PPP1R2: variants seen among roughly 807,000 people sequenced by gnomAD.
PPP1R2 encodes the protein protein phosphatase inhibitor 2.
In PPP1R2, 16 loss-of-function variants were observed where a neutral mutation model predicts 29.9. That is an observed-to-expected ratio of 0.53 (90% CI 0.36 to 0.81). The LOEUF (loss-of-function observed/expected upper bound fraction) is 0.81. Among genes scored for constraint, PPP1R2 ranks in the 30% least tolerant of loss-of-function variants. The probability of loss-of-function intolerance (pLI) is 0.00; values close to 1 mark genes in which losing one functional copy is unlikely to be tolerated. For missense variants in PPP1R2, 197 were observed against 252.7 expected (o/e 0.78, Z 1.49); for synonymous variants, 76 against 91.5 (o/e 0.83, Z 0.96).
intron 1 of PPP1R2, among the ~76,000 whole-genome samples, chr3:195,533,847 ATAACT>A (rs1719276946): frequency 6.6e-6 from 1 of 152,238 alleles, no homozygotes; most frequent in Non-Finnish European, 1.5e-5. Flanking sequence ...TCACTATATG[ATAACT>A]TAAAGCAAAA....
At position 195,515,914 on chromosome 3, in the gene PPP1R2, T is replaced by G. The variant is rs1718527016; in HGVS notation, c.*982A>C. The G allele has an allele frequency of 6.6e-6, 1 of 152,160 alleles. No individual in the cohort carries two copies. Among genetic ancestry groups the G allele is most frequent in the African/African-American group, 2.4e-5 (1 of 41,462 alleles). The allele number at this position is 152,160 out of a possible 1,614,324, so 9.4% of individuals were successfully genotyped here. A position where few individuals can be genotyped will look rare whatever the true frequency, so the allele number is the denominator to read the frequency against. On this transcript the variant is annotated 3_prime_UTR_variant, in exon 6 of 6. Transcript: ENST00000618156. ...AGCACTGCTGCTACTCAAACTATTTTCTTCACGTATTAGAAGAATTCATAG... is the reference window on the plus strand; with the variant it reads ...AGCACTGCTGCTACTCAAACTATTTGCTTCACGTATTAGAAGAATTCATAG...
intron 1 of PPP1R2, among the ~76,000 whole-genome samples, chr3:195,541,219 T>C (rs1425292414): frequency 6.6e-6 from 1 of 152,096 alleles, no homozygotes; most frequent in Non-Finnish European, 1.5e-5. Flanking sequence ...GGCCAATCCA[T>C]AGATTGGGCC....
chr3:195,542,770 G>A (rs1560448101), intron 1 of PPP1R2, 134 bp downstream of exon 1: 1 of 1,082,384 alleles, frequency 9.2e-7, no homozygotes, highest in South Asian at 2.0e-5. Flanking sequence ...TCCCACCCGC[G>A]GCTAGCCGGG....
chr3:195,535,511 G>A (rs1439667289), intron 1 of PPP1R2, among the ~76,000 whole-genome samples: 2 of 152,188 alleles, frequency 1.3e-5, no homozygotes, highest in African/African-American at 2.4e-5. Context: ...TGCCAATCAA[G>A]GAACTAATGA....
chr3:195,542,989 C>T lies in PPP1R2; in HGVS notation c.37G>A (p.Gly13Arg). ...ASTASHRPIK[G>R]ILKNKTSTTS... ...GTAGAGGTCTTGTTCTTCAAGATCCCCTTGATGGGCCGGTGCGAGGCCGTC... is the reference window on the plus strand; with the variant it reads ...GTAGAGGTCTTGTTCTTCAAGATCCTCTTGATGGGCCGGTGCGAGGCCGTC... The change falls in exon 1 of 6, where the codon GGG becomes AGG. Residue 13 changes from glycine to arginine, a missense_variant. This residue lies in a region of PPP1R2 where 54 missense variants were observed against 60.6 expected (regional missense o/e 0.89). Transcript: ENST00000618156. The T allele has an allele frequency of 5.0e-6, 8 of 1,602,018 alleles. No homozygotes were observed. Among genetic ancestry groups the T allele is most frequent in the Non-Finnish European group, 6.8e-6 (8 of 1,174,566 alleles).
intron 4 of PPP1R2, 100 bp downstream of exon 4, chr3:195,523,592 G>T: frequency 2.3e-6 from 2 of 883,074 alleles, no homozygotes; most frequent in Non-Finnish European, 1.8e-6. Context: ...TCCCCTGTGT[G>T]TCCCCAAAAT....
intron 3 of PPP1R2, among the ~76,000 whole-genome samples, chr3:195,524,385 G>C (rs2108942253): frequency 6.6e-6 from 1 of 152,298 alleles, no homozygotes; most frequent in South Asian, 2.1e-4. Context: ...AGCCAGGCTT[G>C]GTGGCATGGG....
Position 195,537,481 on chromosome 3 carries a change from T to TTGTGTGTGTGTGTGTGTGTGTGTG in PPP1R2, c.122+5399_122+5422dup, listed in dbSNP as rs71180930. 9.0e-3 allele frequency among the ~76,000 whole-genome samples: 1,154 copies of TTGTGTGTGTGTGTGTGTGTGTGTG among 128,500 alleles called. 21 individuals carry two copies. The highest frequency in any genetic ancestry group is 0.011 in the Non-Finnish European group (684 of 61,622). The allele number at this position is 128,500 out of a possible 152,430, so 84.3% of individuals were successfully genotyped here. On this transcript the variant is annotated intron_variant, in intron 1 of 5. Transcript: ENST00000618156. Reference sequence around the variant, plus strand: ...ACCAAACCATTGCTAGGATTAGCTATTGTGTGTGTGTGTGTGTGTGTGTGT... The same window carrying TTGTGTGTGTGTGTGTGTGTGTGTG: ...ACCAAACCATTGCTAGGATTAGCTATTGTGTGTGTGTGTGTGTGTGTGTGTGTGTGTGTGTGTGTGTGTGTGTGT...
intron 4 of PPP1R2, among the ~76,000 whole-genome samples, chr3:195,520,269 A>G (rs746564671): frequency 6.6e-6 from 1 of 152,046 alleles, no homozygotes; most frequent in Non-Finnish European, 1.5e-5. Context: ...CTTGGCCTCC[A>G]AAAGTGCTGG....
chr3:195,541,087 G>C (rs1332360497), intron 1 of PPP1R2, among the ~76,000 whole-genome samples: 1 of 152,210 alleles, frequency 6.6e-6, no homozygotes, highest in Non-Finnish European at 1.5e-5. Context: ...CCTTTTAAGT[G>C]AATCTACCCT....
intron 4 of PPP1R2, among the ~76,000 whole-genome samples, chr3:195,521,314 C>CAGA (rs1718753990): frequency 1.8e-5 from 1 of 56,676 alleles, no homozygotes; most frequent in Non-Finnish European, 3.1e-5. Context: ...GACTCTGTCT[C>CAGA]AAAAAAAAAA....
chr3:195,515,119 T>C lies in PPP1R2; in HGVS notation c.*1777A>G. Reference sequence around the variant, plus strand: ...CACGCACATGTACAGACTTAATCTCTACATCCCCCAAGACAGATTTAAACA... The same window carrying C: ...CACGCACATGTACAGACTTAATCTCCACATCCCCCAAGACAGATTTAAACA... On this transcript the variant is annotated 3_prime_UTR_variant, in exon 6 of 6. Transcript: ENST00000618156. 4.7e-6 allele frequency: 1 copy of C among 211,378 alleles called. No individual in the cohort carries two copies. Among genetic ancestry groups the C allele is most frequent in the Middle Eastern group, 2.1e-3 (1 of 474 alleles). The allele number at this position is 211,378 out of a possible 1,614,324, so 13.1% of individuals were successfully genotyped here.
intron 2 of PPP1R2, 70 bp downstream of exon 2, chr3:195,529,724 T>A: frequency 9.0e-7 from 1 of 1,114,816 alleles, no homozygotes; most frequent in African/African-American, 1.6e-5. Context: ...AATAGGCTGT[T>A]ATCCAGACGT....
rs1719650677 is a variant in PPP1R2, at chr3:195,542,907, A to G, written c.119T>C (p.Leu40Pro). Residue 40 changes from leucine (L) to proline (P), a missense_variant, in exon 1 of 6, where the codon CTG becomes CCG. By Grantham distance (98) the Leu-to-Pro change is moderately conservative (BLOSUM62 -3). Transcript: ENST00000618156. ...GGCCGTCCCTCCCAGCGCTCACCTC[A>G]GCTCCTCGTCGACATTCCCGCGGGG... is the stretch of plus-strand genomic sequence containing the variant. ...EQPRGNVDEELSKKSQKWDEM... is the reference protein window; with the variant it reads ...EQPRGNVDEEPSKKSQKWDEM... 1.9e-6 allele frequency: 3 copies of G among 1,601,942 alleles called. No individual in the cohort carries two copies. Among genetic ancestry groups the G allele is most frequent in the Non-Finnish European group, 2.6e-6 (3 of 1,174,456 alleles).
chr3:195,537,140 G>A (rs966786066), intron 1 of PPP1R2, among the ~76,000 whole-genome samples: 2 of 151,610 alleles, frequency 1.3e-5, no homozygotes, highest in East Asian at 1.9e-4. Flanking sequence ...ATATAAAACA[G>A]TACATACAGT....
intron 1 of PPP1R2, among the ~76,000 whole-genome samples, chr3:195,533,494 G>T (rs780595704): frequency 4.6e-5 from 7 of 152,132 alleles, no homozygotes; most frequent in Non-Finnish European, 8.8e-5. Flanking sequence ...TAAACCTTGA[G>T]TAACACCATG....
At chr3:195,531,509 T>G (rs1719177612) in intron 1 of PPP1R2, among the ~76,000 whole-genome samples, 1 of 152,208 alleles carries the variant, frequency 6.6e-6, no homozygotes, top group Non-Finnish European at 1.5e-5. Context: ...TGAGTTACCT[T>G]AAAAATTATA....
chr3:195,527,458 A>T (rs1432775825), intron 2 of PPP1R2, among the ~76,000 whole-genome samples: 1 of 151,860 alleles, frequency 6.6e-6, no homozygotes, highest in Non-Finnish European at 1.5e-5. Context: ...TCAAAAAAAT[A>T]AAAAATAAAA....
At chr3:195,518,216 G>A (rs939268138) in intron 5 of PPP1R2, among the ~76,000 whole-genome samples, 2 of 151,988 alleles carry the variant, frequency 1.3e-5, no homozygotes, top group Admixed American at 6.6e-5. Flanking sequence ...GGCTGCAGGG[G>A]CTGGGTGTCT....
Sources: gnomAD v4.1 joint callset for allele counts (sites outside exome capture counted in the v4.1 genomes callset) on GRCh38, gnomAD v4.1.1 for gene constraint, gnomAD v4.1.1 regional missense constraint, MANE v1.5 for transcripts, NCBI Gene and HGNC (gene_info 2026-07-23, HGNC 2026-07-21) for gene names.